GAS7: variants seen among roughly 807,000 people sequenced by gnomAD.
The protein encoded by GAS7 is growth arrest specific 7.
Under a neutral mutation model 71.1 loss-of-function variants are expected in GAS7, and 28 were observed. The ratio of observed to expected loss-of-function variants is 0.39; its 90% confidence interval spans 0.29 to 0.54. The LOEUF is 0.54. Among genes scored for constraint, GAS7 ranks in the 20% least tolerant of loss-of-function variants. The pLI is 0.62. For missense variants in GAS7, 436 were observed against 627.8 expected, an observed-to-expected ratio of 0.69 and a Z score of 3.27; for synonymous variants, 258 against 245.8, an observed-to-expected ratio of 1.05 and a Z score of -0.46.
intron 11 of GAS7, among the ~76,000 whole-genome samples, chr17:9,920,343 G>C (rs1597444408): frequency 6.6e-6 from 1 of 152,158 alleles, no homozygotes; most frequent in Non-Finnish European, 1.5e-5. Context: ...GAGTGGGCAG[G>C]AATCAGCTCC....
chr17:9,944,049 A>G (rs1454485650), intron 6 of GAS7, among the ~76,000 whole-genome samples: 4 of 152,264 alleles, frequency 2.6e-5, no homozygotes, highest in Non-Finnish European at 5.9e-5. Flanking sequence ...CAATGAAATA[A>G]GTACTTAGCA....
chr17:10,189,256 A>C (rs1441819482), intron 1 of GAS7, among the ~76,000 whole-genome samples: 4 of 152,118 alleles, frequency 2.6e-5, no homozygotes, highest in Non-Finnish European at 5.9e-5. Flanking sequence ...TGTTGACACT[A>C]GCTGCAACAT....
chr17:10,105,768 C>T (rs1224939925), intron 1 of GAS7, among the ~76,000 whole-genome samples: 4 of 152,134 alleles, frequency 2.6e-5, no homozygotes, highest in Non-Finnish European at 5.9e-5. Context: ...TTCTTGTTTG[C>T]GTCTGTCAGC....
intron 3 of GAS7, among the ~76,000 whole-genome samples, chr17:9,979,759 C>G (rs1384103093): frequency 6.6e-6 from 1 of 152,062 alleles, no homozygotes; most frequent in Non-Finnish European, 1.5e-5. Context: ...ACCACTCTGG[C>G]TGGAAAAGAC....
intron 1 of GAS7, among the ~76,000 whole-genome samples, chr17:10,158,537 C>G (rs1016238257): frequency 6.6e-6 from 1 of 151,880 alleles, no homozygotes; most frequent in Non-Finnish European, 1.5e-5. Context: ...AGTTAATGCT[C>G]TGTATACTGA....
intron 1 of GAS7, among the ~76,000 whole-genome samples, chr17:10,104,089 C>G (rs2073734723): frequency 6.6e-6 from 1 of 152,302 alleles, no homozygotes; most frequent in East Asian, 1.9e-4. Context: ...TCATTTCCTT[C>G]TCCTAACAGA....
chr17:10,102,912 T>C (rs1323620005), intron 1 of GAS7, among the ~76,000 whole-genome samples: 1 of 152,266 alleles, frequency 6.6e-6, no homozygotes, highest in East Asian at 1.9e-4. Context: ...ATTAGGCATA[T>C]CCTGGACACA....
chr17:10,136,721 G>A (rs1282923540), intron 1 of GAS7, among the ~76,000 whole-genome samples: 1 of 152,122 alleles, frequency 6.6e-6, no homozygotes, highest in Non-Finnish European at 1.5e-5. Flanking sequence ...GACTGATTGT[G>A]TCGCCTACAG....
At chr17:10,158,686 G>A (rs1460467145) in intron 1 of GAS7, among the ~76,000 whole-genome samples, 1 of 151,866 alleles carries the variant, frequency 6.6e-6, no homozygotes, top group African/African-American at 2.4e-5. Context: ...TCTGATGATG[G>A]GTATATAAGT....
rs1567780245 is a variant in GAS7 at position 9,926,579 on chromosome 17, T to TC, written c.1014+61dup. ...TATGGAGCCACTGCTGGCTTCCCAG[T>TC]CCCCCTTCTTCCAGGCAGTCCCCCA... On this transcript the variant is annotated intron_variant, in intron 10 of 13. Coordinates refer to ENST00000432992, the MANE Select transcript of GAS7 (RefSeq NM_201433.2). This position sits in a 1 kb window ranked among gnomAD's most constrained non-coding sequence, Gnocchi z 5.0. 6 of 1,568,458 alleles carry TC rather than the reference T, an allele frequency of 3.8e-6. No homozygotes were observed. Among genetic ancestry groups the TC allele is most frequent in the Middle Eastern group, 3.3e-4 (2 of 5,994 alleles).
chr17:10,053,389 A>G (rs2073089905), intron 1 of GAS7, among the ~76,000 whole-genome samples: 1 of 152,314 alleles, frequency 6.6e-6, no homozygotes, highest in East Asian at 1.9e-4. Flanking sequence ...TGAAAACAGC[A>G]GTCTGAGTTA....
At chr17:10,086,483 A>T (rs2073520829) in intron 1 of GAS7, among the ~76,000 whole-genome samples, 1 of 152,182 alleles carries the variant, frequency 6.6e-6, no homozygotes, top group Admixed American at 6.5e-5. Context: ...ACCATTGTTA[A>T]GGAATCTGGG....
intron 1 of GAS7, among the ~76,000 whole-genome samples, chr17:10,035,976 G>A (rs993596479): frequency 1.4e-4 from 22 of 152,174 alleles, no homozygotes; most frequent in Admixed American, 9.8e-4. Flanking sequence ...GAACTGGGCC[G>A]TGGGGTAAAA....
At chr17:10,055,906 C>CT (rs1055601938) in intron 1 of GAS7, among the ~76,000 whole-genome samples, 52 of 152,218 alleles carry the variant, frequency 3.4e-4, no homozygotes, top group African/African-American at 1.2e-3. Context: ...TTTAGAATCT[C>CT]TTTTTTTAAC....
Position 9,917,251 on chromosome 17 carries a change from G to T in GAS7, c.1408C>A (p.Arg470Ser). 6.2e-7 allele frequency: 1 copy of T among 1,609,786 alleles called. No individual in the cohort carries two copies. The change falls in exon 14 of 14, where the codon CGC becomes AGC. Residue 470 changes from arginine (R) to serine (S), a missense_variant. Transcript: ENST00000432992. The stretch of plus-strand genomic sequence containing the variant: ...ATCTAGATCTCCATGTCCACAGGGC[G>T]GATGTTGCCCGTCTTGTGCTCTCTG... Reference protein sequence around the residue: ...WVREHKTGNIRPVDMEI With the variant: ...WVREHKTGNISPVDMEI
rs1475435242 is a variant in GAS7, at chr17:10,026,955, T to C, written c.184-7058A>G. On this transcript the variant is annotated intron_variant, in intron 1 of 13. Transcript: ENST00000432992. The surrounding 1 kb of genome is among the most constrained non-coding windows in gnomAD (Gnocchi z 4.5). ...TTCTAGCCATACTCAGAAATTTCAG[T>C]GCACAGAAAATAGTAGGGGACCCCT... The C allele has an allele frequency of 1.3e-5, 2 of 152,138 alleles. No homozygotes were observed. The highest frequency in any genetic ancestry group is 2.9e-5 in the Non-Finnish European group (2 of 68,048). 9.4% of individuals were successfully genotyped at this position (152,138 alleles called of 1,614,324 possible). A position where few individuals can be genotyped will look rare whatever the true frequency, so the allele number is the denominator to read the frequency against.
intron 2 of GAS7, among the ~76,000 whole-genome samples, chr17:9,982,824 G>GGAAAGAAAGAAAGAAAGAAAGAAAGAAA (rs56351503): frequency 1.0e-4 from 12 of 116,172 alleles, no homozygotes; most frequent in South Asian, 2.7e-4. Flanking sequence ...AGGAAAGAAA[G>GGAAAGAAAGAAAGAAAGAAAGAAAGAAA]GAAAGAAAGA....
intron 1 of GAS7, among the ~76,000 whole-genome samples, chr17:10,113,366 A>G (rs2073831974): frequency 6.6e-6 from 1 of 152,218 alleles, no homozygotes; most frequent in Non-Finnish European, 1.5e-5. Context: ...ACCCACGTGC[A>G]GAATGATGGA....
At position 9,926,501 on chromosome 17, in the gene GAS7, G is replaced by T; in HGVS notation, c.1014+140C>A. 2 of 886,852 alleles carry T rather than the reference G, an allele frequency of 2.3e-6. No homozygotes were observed. The highest frequency in any genetic ancestry group is 3.5e-6 in the Non-Finnish European group (2 of 571,872). The allele number at this position is 886,852 out of a possible 1,614,324, so 54.9% of individuals were successfully genotyped here. A position where few individuals can be genotyped will look rare whatever the true frequency, so the allele number is the denominator to read the frequency against. On this transcript the variant is annotated intron_variant, in intron 10 of 13. Coordinates refer to ENST00000432992, the MANE Select transcript of GAS7 (RefSeq NM_201433.2). This position sits in a 1 kb window ranked among gnomAD's most constrained non-coding sequence, Gnocchi z 5.0. ...GTGGGGTGCTCTGGCGTAGGCACGA[G>T]GCTTGGACATCCCCCTATTCCCCTA...
Sources: allele counts gnomAD v4.1 joint callset (sites outside exome capture counted in the v4.1 genomes callset), GRCh38; gene constraint gnomAD v4.1.1; non-coding constraint Gnocchi (gnomAD v3.1); transcripts MANE v1.5; gene names NCBI Gene and HGNC (gene_info 2026-07-23, HGNC 2026-07-21).